Variants in SIPA1 observed in about 807,000 individuals in gnomAD.
SIPA1 encodes the protein signal-induced proliferation-associated protein 1.
A neutral mutation model predicts 88.1 loss-of-function variants in SIPA1; 51 were observed. The ratio of observed to expected loss-of-function variants is 0.58; its 90% CI spans 0.46 to 0.73. The LOEUF (loss-of-function observed/expected upper bound fraction) is 0.73, where lower values mean the gene tolerates loss of function less well. SIPA1 is among the 30% of genes least tolerant of loss of function. SIPA1 has a pLI of 0.00. For synonymous variants in SIPA1, 681 were observed against 664.8 expected (o/e 1.02, Z -0.37); for missense variants, 1,348 against 1,467.6 (o/e 0.92, Z 1.33).
Position 65,642,215 on chromosome 11 carries a change from C to T in SIPA1, c.680-35C>T. The T allele has an allele frequency of 1.9e-6, 3 of 1,545,382 alleles. No homozygotes were observed. Among genetic ancestry groups the T allele is most frequent in the East Asian group, 2.4e-5 (1 of 40,868 alleles). On this transcript the variant is annotated intron_variant, in intron 2 of 15. Transcript: ENST00000534313. This position sits in a 1 kb window ranked among gnomAD's most constrained non-coding sequence, Gnocchi z 6.5. Reference sequence around the variant, plus strand: ...GAGCGGGGGCGGGGCTGCCAGAGGGCGGGACCAATCGTTTTCTTCGGCGCG... The same window carrying T: ...GAGCGGGGGCGGGGCTGCCAGAGGGTGGGACCAATCGTTTTCTTCGGCGCG...
chr11:65,642,184 G>A lies in SIPA1; in HGVS notation c.680-66G>A. The A allele has an allele frequency of 3.9e-6, 6 of 1,529,872 alleles. No homozygotes were observed. Among genetic ancestry groups the A allele is most frequent in the African/African-American group, 2.8e-5 (2 of 71,612 alleles). 94.8% of individuals were successfully genotyped at this position (1,529,872 alleles called of 1,614,324 possible). On this transcript the variant is annotated intron_variant, in intron 2 of 15. Coordinates refer to ENST00000534313, the MANE Select transcript of SIPA1 (RefSeq NM_006747.4). This position sits in a 1 kb window ranked among gnomAD's most constrained non-coding sequence, Gnocchi z 6.5. ...CCTAGGGCGGGGCTTAGTGATGCGC[G>A]TGGTCGAGCGGGGGCGGGGCTGCCA...
Position 65,650,705 on chromosome 11 carries a change from ACCTGG to A in SIPA1, c.3124_3128del (p.Ala1042SerfsTer?), listed in dbSNP as rs1565184806. 1 of 1,577,468 alleles carries A rather than the reference ACCTGG, an allele frequency of 6.3e-7. No homozygotes were observed. The highest frequency in any genetic ancestry group is 8.6e-7 in the Non-Finnish European group (1 of 1,161,800). ...AAGCAGCTGGGCTCACCCACCGCCG[ACCTGG>A]CCTGAGCCGTCTGGAACCACCTGGG... On this transcript the variant is annotated frameshift_variant, in exon 16 of 16. Coordinates refer to ENST00000534313, the MANE Select transcript of SIPA1 (RefSeq NM_006747.4). LOFTEE classifies it high-confidence loss of function.
chr11:65,645,753 T>G, intron 5 of SIPA1, 101 bp from the exon 6 acceptor site: 5 of 725,952 alleles, frequency 6.9e-6, no homozygotes, highest in Non-Finnish European at 1.1e-5. Flanking sequence ...CACCTGCTGT[T>G]TGGGGCACAG....
Position 65,650,649 on chromosome 11 carries a change from G to A in SIPA1, c.3063G>A (p.Glu1021=). 6.4e-7 allele frequency: 1 copy of A among 1,574,668 alleles called. No homozygotes were observed. Among genetic ancestry groups the A allele is most frequent in the African/African-American group, 1.3e-5 (1 of 74,186 alleles). ...ACCGGCGGCTGCAGGCGGAGTCTGAGAGTGCAGCCACACGCCTCCTCCTGG... is the reference window on the plus strand; with the variant it reads ...ACCGGCGGCTGCAGGCGGAGTCTGAAAGTGCAGCCACACGCCTCCTCCTGG... ...HNNRRLQAES[E]SAATRLLLAS... Residue 1021 remains glutamate (E), a synonymous_variant, in exon 16 of 16, where the codon GAG becomes GAA. Transcript: ENST00000534313.
At position 65,641,536 on chromosome 11, in the gene SIPA1, G is replaced by T; in HGVS notation, c.615G>T (p.Ser205=). The change falls in exon 2 of 16, where the codon TCG becomes TCT. Residue 205 remains serine (S), a synonymous_variant. Transcript: ENST00000534313. ...TGGAGGAGCCACAGAACCGAACCTCGGCCTACAGCCTGGAGCACGCAGACC... is the reference window on the plus strand; with the variant it reads ...TGGAGGAGCCACAGAACCGAACCTCTGCCTACAGCCTGGAGCACGCAGACC... ...SILEEPQNRT[S]AYSLEHADLG... is the part of the protein sequence containing the mutation. 2.5e-6 allele frequency: 4 copies of T among 1,612,348 alleles called. No individual in the cohort carries two copies. The highest frequency in any genetic ancestry group is 3.4e-6 in the Non-Finnish European group (4 of 1,179,970).
rs200885251 is a variant in SIPA1 at position 65,645,840 on chromosome 11, C to T, written c.1160-14C>T. ...TTGTTTTCTCCTTCTGTGTCCCTAACTTCCTGGCCACAGCGGATTCCACAG... is the reference window on the plus strand; with the variant it reads ...TTGTTTTCTCCTTCTGTGTCCCTAATTTCCTGGCCACAGCGGATTCCACAG... On this transcript the variant is annotated splice_polypyrimidine_tract_variant and intron_variant, in intron 5 of 15. Transcript: ENST00000534313. 47 of 1,596,120 alleles carry T rather than the reference C, an allele frequency of 2.9e-5. No individual in the cohort carries two copies. The highest frequency in any genetic ancestry group is 3.7e-5 in the Non-Finnish European group (43 of 1,165,802).
chr11:65,642,152 G>C lies in SIPA1; in HGVS notation c.680-98G>C. 6.8e-7 allele frequency: 1 copy of C among 1,475,038 alleles called. No homozygotes were observed. The highest frequency in any genetic ancestry group is 9.1e-7 in the Non-Finnish European group (1 of 1,100,962). The allele number at this position is 1,475,038 out of a possible 1,614,324, so 91.4% of individuals were successfully genotyped here. ...GTCTAGGGTCAACATTTGGTGGTGA[G>C]ATGAAGCCTAGGGCGGGGCTTAGTG... On this transcript the variant is annotated intron_variant, in intron 2 of 15. Transcript: ENST00000534313. This position sits in a 1 kb window ranked among gnomAD's most constrained non-coding sequence, Gnocchi z 6.5.
At chr11:65,650,279 G>A in intron 14 of SIPA1, 87 bp downstream of exon 14, 2 of 1,550,676 alleles carry the variant, frequency 1.3e-6, no homozygotes, top group Non-Finnish European at 8.9e-7. Context: ...CTCTGTCCTG[G>A]GCTCTGCTGC....
Position 65,641,042 on chromosome 11 carries a change from T to G in SIPA1, c.121T>G (p.Phe41Val). 1.9e-6 allele frequency: 3 copies of G among 1,593,382 alleles called. No homozygotes were observed. The highest frequency in any genetic ancestry group is 2.6e-6 in the Non-Finnish European group (3 of 1,174,228). ...PARPPLTPHTFEPRPVRGPLL... is the reference protein window; with the variant it reads ...PARPPLTPHTVEPRPVRGPLL... Reference sequence around the variant, plus strand: ...AAGGCCCCCGCTGACACCGCACACCTTCGAGCCGAGGCCAGTCCGGGGCCC... The same window carrying G: ...AAGGCCCCCGCTGACACCGCACACCGTCGAGCCGAGGCCAGTCCGGGGCCC... The change falls in exon 2 of 16, where the codon TTC becomes GTC. Residue 41 changes from phenylalanine (F) to valine (V), a missense_variant. Transcript: ENST00000534313.
rs559837917 is a variant in SIPA1 at position 65,645,627 on chromosome 11, C to A, written c.1160-227C>A. On this transcript the variant is annotated intron_variant, in intron 5 of 15. Coordinates refer to ENST00000534313, the MANE Select transcript of SIPA1 (RefSeq NM_006747.4). ...TCTATTTCAACTCTCCCATCCTGAC[C>A]CCCCTTCACTCTGGCATGGGGCTGG... 3.9e-5 allele frequency among the ~76,000 whole-genome samples: 6 copies of A among 152,234 alleles called. No individual in the cohort carries two copies. In the East Asian group the frequency reaches 5.8e-4, roughly 15 times the overall value.
In SIPA1 at chr11:65,642,497, CGCT is replaced by C; in HGVS notation, c.845_847del (p.Leu282del). The C allele has an allele frequency of 6.2e-7, 1 of 1,610,990 alleles. No homozygotes were observed. The highest frequency in any genetic ancestry group is 8.5e-7 in the Non-Finnish European group (1 of 1,179,538). ...CTCCGTGGCACCATCTCGGAGGACG[CGCT>C]GCCGCCGGGGCCCCCACGGGGTCTG... On this transcript the variant is annotated inframe_deletion, in exon 4 of 16. Coordinates refer to ENST00000534313, the MANE Select transcript of SIPA1 (RefSeq NM_006747.4). The surrounding 1 kb of genome is among the most constrained non-coding windows in gnomAD (Gnocchi z 6.5).
chr11:65,647,658 G>T lies in SIPA1; in HGVS notation c.2306G>T (p.Arg769Met). 7.4e-7 allele frequency: 1 copy of T among 1,357,472 alleles called. No homozygotes were observed. The highest frequency in any genetic ancestry group is 9.4e-7 in the Non-Finnish European group (1 of 1,058,530). The allele number at this position is 1,357,472 out of a possible 1,614,324, so 84.1% of individuals were successfully genotyped here. The change falls in exon 9 of 16, where the codon AGG becomes ATG. Residue 769 changes from arginine (R) to methionine (M), a missense_variant and splice_region_variant. By Grantham distance (91) the Arg-to-Met change is moderately conservative. This residue lies in a region of SIPA1 where 615 missense variants were observed against 559.8 expected (regional missense o/e 1.10). Coordinates refer to ENST00000534313, the MANE Select transcript of SIPA1 (RefSeq NM_006747.4). Reference protein sequence around the residue: ...LPPDESGRPRRSFSELYTLSL... With the variant: ...LPPDESGRPRMSFSELYTLSL... ...CCCGACGAGAGCGGCCGGCCCCGCA[G>T]GTCAGGGTGCCGGGGACGCGGGGAG...
rs369774888 is a variant in SIPA1, at chr11:65,650,025, C to A, written c.2822C>A (p.Thr941Asn). ...TCGGAGATTGCCTCTACTTGCAACA[C>A]CATTCTGGAGTCGCTGTCCCGAGAG... ...AISEIASTCNTILESLSREGQ... is the reference protein window; with the variant it reads ...AISEIASTCNNILESLSREGQ... Residue 941 changes from threonine to asparagine, a missense_variant, in exon 13 of 16, where the codon ACC (threonine) becomes AAC (asparagine). Transcript: ENST00000534313. 2 of 1,613,866 alleles carry A rather than the reference C, an allele frequency of 1.2e-6. No homozygotes were observed. Among genetic ancestry groups the A allele is most frequent in the African/African-American group, 2.7e-5 (2 of 74,910 alleles).
chr11:65,650,002 G>A lies in SIPA1; in HGVS notation c.2799G>A (p.Ser933=), dbSNP rs369797819. 94 of 1,613,816 alleles carry A rather than the reference G, an allele frequency of 5.8e-5. No homozygotes were observed. Among genetic ancestry groups the A allele is most frequent in the African/African-American group, 1.7e-4 (13 of 74,876 alleles). Residue 933 remains serine, a synonymous_variant, in exon 13 of 16, where the codon TCG becomes TCA. Coordinates refer to ENST00000534313, the MANE Select transcript of SIPA1 (RefSeq NM_006747.4). Reference sequence around the variant, plus strand: ...TGGAGGACGAGTGGCAGGCCATCTCGGAGATTGCCTCTACTTGCAACACCA... The same window carrying A: ...TGGAGGACGAGTGGCAGGCCATCTCAGAGATTGCCTCTACTTGCAACACCA... ...GTLEDEWQAI[S]EIASTCNTIL... is the part of the protein sequence containing the mutation.
intron 10 of SIPA1, 27 bp from the exon 11 acceptor site, chr11:65,649,534 T>C: frequency 6.2e-7 from 1 of 1,614,004 alleles, no homozygotes; most frequent in Non-Finnish European, 8.5e-7. Flanking sequence ...GCGGCTTCCC[T>C]TTCTGAGCCA....
intron 14 of SIPA1, 70 bp from the exon 15 acceptor site, chr11:65,650,331 G>C: frequency 1.3e-6 from 2 of 1,566,734 alleles, no homozygotes; most frequent in Non-Finnish European, 1.8e-6. Flanking sequence ...CTCATTAGCT[G>C]GGGCTGGGAG....
At chr11:65,639,523 T>C (rs931973773) in intron 1 of SIPA1, among the ~76,000 whole-genome samples, 7 of 152,244 alleles carry the variant, frequency 4.6e-5, no homozygotes, top group Non-Finnish European at 8.8e-5. Flanking sequence ...TGCTTGGTTC[T>C]GGAGGCCCCA....
At position 65,644,969 on chromosome 11, in the gene SIPA1, C is replaced by A. The variant is rs1806316304; in HGVS notation, c.999C>A (p.Arg333=). ...TLDEQVLSFQ[R]KVGILYCRAG... ...CCCACCCACAGCTGAGCTTCCAACG[C>A]AAGGTGGGCATCCTGTACTGCCGGG... Residue 333 remains arginine (R), a synonymous_variant, in exon 5 of 16, where the codon CGC becomes CGA. Transcript: ENST00000534313. The A allele has an allele frequency of 1.2e-6, 2 of 1,612,916 alleles. No homozygotes were observed. Among genetic ancestry groups the A allele is most frequent in the African/African-American group, 1.3e-5 (1 of 74,902 alleles).
rs1325479138 is a variant in SIPA1, at chr11:65,645,862, A to G, written c.1168A>G (p.Thr390Ala). 1 of 1,611,028 alleles carries G rather than the reference A, an allele frequency of 6.2e-7. No individual in the cohort carries two copies. The highest frequency in any genetic ancestry group is 8.5e-7 in the Non-Finnish European group (1 of 1,178,006). Residue 390 changes from threonine (T) to alanine (A), a missense_variant, in exon 6 of 16, where the codon ACA becomes GCA. By Grantham distance (58) the Thr-to-Ala change is moderately conservative. This residue lies in a region of SIPA1 where 641 missense variants were observed against 797.7 expected (regional missense o/e 0.80). Coordinates refer to ENST00000534313, the MANE Select transcript of SIPA1 (RefSeq NM_006747.4). ...RAQLDTKTDSTGTHSLYTTYQ... is the reference protein window; with the variant it reads ...RAQLDTKTDSAGTHSLYTTYQ... ...TAACTTCCTGGCCACAGCGGATTCCACAGGCACGCACTCCCTCTACACCAC... is the reference window on the plus strand; with the variant it reads ...TAACTTCCTGGCCACAGCGGATTCCGCAGGCACGCACTCCCTCTACACCAC...
Sources: allele counts gnomAD v4.1 joint callset (sites outside exome capture counted in the v4.1 genomes callset), GRCh38; gene constraint gnomAD v4.1.1; regional missense constraint gnomAD v4.1.1; non-coding constraint Gnocchi (gnomAD v3.1); transcripts MANE v1.5; gene names NCBI Gene and HGNC (gene_info 2026-07-23, HGNC 2026-07-21).